Variants in KRT86 observed in about 807,000 individuals in gnomAD.
KRT86 encodes the protein keratin, type II cuticular Hb6.
Under a neutral mutation model 41.2 loss-of-function variants are expected in KRT86, and 30 were observed. The observed-to-expected ratio is 0.73, with a 90% CI of 0.54 to 0.99. The LOEUF is 0.99. KRT86 is among the 50% of genes least tolerant of loss of function. The pLI is 0.00. For synonymous variants in KRT86, 238 were observed against 238.1 expected, an observed-to-expected ratio of 1.00 and a Z score of 0.00; for missense variants, 561 against 571.4, an observed-to-expected ratio of 0.98 and a Z score of 0.19.
intron 2 of KRT86, chr12:52,288,099 T>G: frequency 6.2e-7 from 1 of 1,614,154 alleles, no homozygotes; most frequent in Non-Finnish European, 8.5e-7. Context: ...GTTGTCCAGC[T>G]TGACAACCAC....
chr12:52,286,254 C>G (rs1215064141), intron 2 of KRT86: 1 of 1,553,288 alleles, frequency 6.4e-7, no homozygotes, highest in Admixed American at 1.9e-5. Context: ...AGTTGGGGTG[C>G]CTAACATTTC....
intron 2 of KRT86, among the ~76,000 whole-genome samples, chr12:52,280,962 A>G (rs1282067675): frequency 6.6e-6 from 1 of 152,156 alleles, no homozygotes; most frequent in Non-Finnish European, 1.5e-5. Flanking sequence ...TCCCTTTTCA[A>G]ATACCGAACC....
intron 2 of KRT86, among the ~76,000 whole-genome samples, chr12:52,294,229 GTCAAAGTACATCTCAT>G (rs1206772734): frequency 6.6e-6 from 1 of 152,168 alleles, no homozygotes; most frequent in African/African-American, 2.4e-5. Context: ...AGCACTGTGA[GTCAAAGTACATCTCAT>G]CCACACTTCA....
chr12:52,285,535 T>C (rs1257165703), intron 2 of KRT86, among the ~76,000 whole-genome samples: 1 of 152,212 alleles, frequency 6.6e-6, no homozygotes, highest in Non-Finnish European at 1.5e-5. Flanking sequence ...ATTTTCATGA[T>C]CCATCAGTTT....
chr12:52,285,912 G>C (rs747494104), intron 2 of KRT86: 1 of 376,698 alleles, frequency 2.7e-6, no homozygotes, highest in Non-Finnish European at 5.0e-6. Context: ...CAAGACCCAG[G>C]TTGGCTACAT....
Position 52,302,092 on chromosome 12 carries a change from G to T in KRT86, c.176G>T (p.Cys59Phe). 1 of 1,581,132 alleles carries T rather than the reference G, an allele frequency of 6.3e-7. No individual in the cohort carries two copies. Among genetic ancestry groups the T allele is most frequent in the Non-Finnish European group, 8.6e-7 (1 of 1,165,474 alleles). ...TGCGGAGGCTTTCGGGCCGGCTCCTGCGGACGCAGCTTCGGCTACCGCTCC... is the reference window on the plus strand; with the variant it reads ...TGCGGAGGCTTTCGGGCCGGCTCCTTCGGACGCAGCTTCGGCTACCGCTCC... Reference protein sequence around the residue: ...SVCGGFRAGSCGRSFGYRSGG... With the variant: ...SVCGGFRAGSFGRSFGYRSGG... The change falls in exon 3 of 11, where the codon TGC becomes TTC. Residue 59 changes from cysteine to phenylalanine, a missense_variant. Physicochemically the swap from Cys to Phe is radical, Grantham distance 205. This residue lies in a region of KRT86 where 164 missense variants were observed against 172.5 expected (regional missense o/e 0.95). Transcript: ENST00000423955.
chr12:52,288,190 C>A (rs1938022400), intron 2 of KRT86: 1 of 1,602,104 alleles, frequency 6.2e-7, no homozygotes, highest in Admixed American at 1.7e-5. Context: ...AGAATACAGC[C>A]CCACCCACCA....
chr12:52,275,050 G>A (rs895369115), intron 1 of KRT86: 6 of 152,218 alleles, frequency 3.9e-5, no homozygotes, highest in Non-Finnish European at 7.3e-5. Flanking sequence ...CCTCTTGCAC[G>A]TGGTGGATGG....
chr12:52,279,733 C>T (rs561235970), intron 2 of KRT86, among the ~76,000 whole-genome samples: 39 of 152,246 alleles, frequency 2.6e-4, no homozygotes, highest in Admixed American at 1.8e-3. Flanking sequence ...GGATGGGGAG[C>T]CCGGAGTCCA....
intron 2 of KRT86, among the ~76,000 whole-genome samples, chr12:52,278,439 T>G (rs950358302): frequency 9.7e-4 from 7 of 7,220 alleles, no homozygotes; most frequent in Non-Finnish European, 2.7e-4. Context: ...GAAAGTGTAG[T>G]TTTTTTTTTT....
chr12:52,280,856 A>G (rs1242092092), intron 2 of KRT86, among the ~76,000 whole-genome samples: 2 of 152,176 alleles, frequency 1.3e-5, no homozygotes, highest in Non-Finnish European at 2.9e-5. Flanking sequence ...TCCTGCTATG[A>G]TGATCATGTC....
At chr12:52,276,239 G>T (rs756164529) in intron 2 of KRT86, among the ~76,000 whole-genome samples, 1 of 152,050 alleles carries the variant, frequency 6.6e-6, no homozygotes, top group Non-Finnish European at 1.5e-5. Flanking sequence ...TCTGTGTTTT[G>T]TTTTTCTCGC....
At chr12:52,305,211 A>G (rs771672042) in intron 6 of KRT86, 29 bp from the exon 7 acceptor site, 19 of 1,614,158 alleles carry the variant, frequency 1.2e-5, no homozygotes, top group Non-Finnish European at 1.5e-5. Flanking sequence ...TGTGTTCTCA[A>G]CTAAAGTCAC....
At chr12:52,279,992 G>A (rs115718665) in intron 2 of KRT86, among the ~76,000 whole-genome samples, 8 of 152,302 alleles carry the variant, frequency 5.3e-5, no homozygotes, top group African/African-American at 7.2e-5. Flanking sequence ...ACAGAAAAGG[G>A]TGAGATGGGG....
chr12:52,292,658 T>A (rs1285895167), intron 2 of KRT86, among the ~76,000 whole-genome samples: 1 of 138,942 alleles, frequency 7.2e-6, no homozygotes, highest in Non-Finnish European at 1.6e-5. Flanking sequence ...AAAGAACACT[T>A]CTTTATTATT....
rs924431770 is a variant in KRT86 at position 52,280,727 on chromosome 12, G to A, written c.-5+4781G>A. 4.6e-5 allele frequency among the ~76,000 whole-genome samples: 7 copies of A among 152,200 alleles called. No homozygotes were observed. In the East Asian group the frequency reaches 9.6e-4, roughly 21 times the overall value. ...GATAAATACTGACCTGCCAACACTC[G>A]CAAATGCAAACAAGCTGCCTGAAGA... is the stretch of plus-strand genomic sequence containing the variant. On this transcript the variant is annotated intron_variant, in intron 2 of 10. Coordinates refer to ENST00000423955, the MANE Select transcript of KRT86 (RefSeq NM_001320198.2).
At chr12:52,277,948 C>G (rs767337360) in intron 2 of KRT86, among the ~76,000 whole-genome samples, 7 of 152,182 alleles carry the variant, frequency 4.6e-5, no homozygotes, top group Non-Finnish European at 1.0e-4. Context: ...CGGGGTGACC[C>G]ATAGTCATCC....
At chr12:52,288,776 C>T (rs1938051038) in intron 2 of KRT86, among the ~76,000 whole-genome samples, 1 of 152,098 alleles carries the variant, frequency 6.6e-6, no homozygotes, top group Non-Finnish European at 1.5e-5. Context: ...TTCCTGTCCC[C>T]CACAAGTGCT....
At chr12:52,275,596 G>A (rs537010784) in intron 1 of KRT86, among the ~76,000 whole-genome samples, 1 of 152,338 alleles carries the variant, frequency 6.6e-6, no homozygotes, top group East Asian at 1.9e-4. Context: ...TCCTGCCTGA[G>A]TTCAGGCTTC....
Sources: gnomAD v4.1 joint callset for allele counts (sites outside exome capture counted in the v4.1 genomes callset) on GRCh38, gnomAD v4.1.1 for gene constraint, gnomAD v4.1.1 regional missense constraint, MANE v1.5 for transcripts, NCBI Gene and HGNC (gene_info 2026-07-23, HGNC 2026-07-21) for gene names.